DLG2: variants seen among roughly 807,000 people sequenced by gnomAD.
DLG2 encodes discs large MAGUK scaffold protein 2.
Under a neutral mutation model 132.5 loss-of-function variants are expected in DLG2, and 45 were observed. The observed-to-expected ratio is 0.34, with a 90% CI of 0.27 to 0.44. The LOEUF is 0.44. Among genes scored for constraint, DLG2 ranks in the 20% least tolerant of loss-of-function variants. The pLI, the probability that DLG2 is intolerant of heterozygous loss-of-function variation, is 1.00. For missense variants in DLG2, 1,045 were observed against 1,196.9 expected (o/e 0.87, Z 1.87); for synonymous variants, 424 against 419.6 (o/e 1.01, Z -0.13).
intron 3 of DLG2, among the ~76,000 whole-genome samples, chr11:85,355,441 T>A (rs2083618429): frequency 6.6e-6 from 1 of 152,156 alleles, no homozygotes; most frequent in Non-Finnish European, 1.5e-5. Context: ...GTGAATTTAA[T>A]ATATTAAAGA....
At chr11:84,131,426 A>G (rs2094417941) in intron 9 of DLG2, among the ~76,000 whole-genome samples, 1 of 152,032 alleles carries the variant, frequency 6.6e-6, no homozygotes, top group Admixed American at 6.6e-5. Flanking sequence ...ATGTATACAC[A>G]CACATACATA....
At chr11:84,165,989 T>C (rs911270530) in intron 8 of DLG2, among the ~76,000 whole-genome samples, 6 of 152,192 alleles carry the variant, frequency 3.9e-5, no homozygotes, top group African/African-American at 1.4e-4. Context: ...TGAAGGATTT[T>C]TAGCATAGGT....
At chr11:83,616,882 T>C (rs1356771058) in intron 19 of DLG2, among the ~76,000 whole-genome samples, 2 of 152,196 alleles carry the variant, frequency 1.3e-5, no homozygotes, top group Non-Finnish European at 2.9e-5. Flanking sequence ...ATTGATGCAG[T>C]GTCATTTACT....
intron 4 of DLG2, among the ~76,000 whole-genome samples, chr11:85,284,165 G>T (rs2078413533): frequency 6.6e-6 from 1 of 151,764 alleles, no homozygotes; most frequent in Non-Finnish European, 1.5e-5. Flanking sequence ...GACTAAAAAA[G>T]TCAAAATAAT....
intron 6 of DLG2, chr11:84,936,628 C>T (rs1030658996): frequency 6.6e-6 from 1 of 151,940 alleles, no homozygotes; most frequent in Non-Finnish European, 1.5e-5. Context: ...TATCAAAATA[C>T]TGGCAGTAGT....
intron 19 of DLG2, among the ~76,000 whole-genome samples, chr11:83,543,620 A>ATACC (rs1281210177): frequency 6.6e-6 from 1 of 152,184 alleles, no homozygotes; most frequent in Non-Finnish European, 1.5e-5. Context: ...GATGATAGCA[A>ATACC]TACCTCCATT....
intron 6 of DLG2, among the ~76,000 whole-genome samples, chr11:84,718,174 T>C (rs1351344711): frequency 6.6e-6 from 1 of 152,098 alleles, no homozygotes; most frequent in African/African-American, 2.4e-5. Context: ...ATTGATCCCA[T>C]TATAAAGGGA....
intron 19 of DLG2, among the ~76,000 whole-genome samples, chr11:83,600,862 AG>A (rs2058426038): frequency 6.6e-6 from 1 of 152,096 alleles, no homozygotes; most frequent in African/African-American, 2.4e-5. Flanking sequence ...GGTGTGATAG[AG>A]GCTGTTGAGA....
chr11:84,002,482 G>T (rs1277500704), intron 11 of DLG2, among the ~76,000 whole-genome samples: 1 of 152,152 alleles, frequency 6.6e-6, no homozygotes, highest in Non-Finnish European at 1.5e-5. Flanking sequence ...TACATCCTCT[G>T]AAATCGAGGT....
intron 18 of DLG2, among the ~76,000 whole-genome samples, chr11:83,691,446 C>T (rs1186336544): frequency 2.0e-5 from 3 of 152,122 alleles, no homozygotes; most frequent in Non-Finnish European, 2.9e-5. Context: ...TCTCCCTCTT[C>T]GAGTCTCTCA....
intron 8 of DLG2, among the ~76,000 whole-genome samples, chr11:84,214,864 C>T (rs1261768464): frequency 1.3e-5 from 2 of 152,074 alleles, no homozygotes; most frequent in Non-Finnish European, 2.9e-5. Flanking sequence ...AATCATATAT[C>T]AGAAATGTGA....
At chr11:84,184,220 C>T (rs908045249) in intron 8 of DLG2, among the ~76,000 whole-genome samples, 9 of 152,304 alleles carry the variant, frequency 5.9e-5, no homozygotes, top group Admixed American at 4.6e-4. Flanking sequence ...TATTTCTCCA[C>T]GTCCTCTCCA....
intron 6 of DLG2, among the ~76,000 whole-genome samples, chr11:84,657,109 C>T (rs969005851): frequency 6.6e-6 from 1 of 152,104 alleles, no homozygotes; most frequent in East Asian, 1.9e-4. Flanking sequence ...AAGCCTAAAG[C>T]AGATATTAAA....
intron 8 of DLG2, among the ~76,000 whole-genome samples, chr11:84,213,510 G>T (rs182142344): frequency 1.3e-5 from 2 of 152,112 alleles, no homozygotes; most frequent in Admixed American, 6.5e-5. Flanking sequence ...CCAGACTTAA[G>T]ACCTACTAAA....
At chr11:84,842,672 G>T (rs185585605) in intron 6 of DLG2, among the ~76,000 whole-genome samples, 2 of 151,864 alleles carry the variant, frequency 1.3e-5, no homozygotes, top group East Asian at 1.9e-4. Context: ...AAGGTTGTGC[G>T]TAGTAGTAGG....
intron 6 of DLG2, among the ~76,000 whole-genome samples, chr11:85,040,658 G>T (rs1336817753): frequency 6.6e-6 from 1 of 151,946 alleles, no homozygotes; most frequent in Non-Finnish European, 1.5e-5. Flanking sequence ...TCTTGTAACT[G>T]ATAAATGTTT....
chr11:84,444,001 T>C (rs73523767), intron 7 of DLG2, among the ~76,000 whole-genome samples: 1,793 of 147,434 alleles, frequency 0.012, 43 homozygotes, highest in African/African-American at 0.046. Flanking sequence ...CATCAATAAG[T>C]CTCCAAAGTT....
chr11:83,906,081 C>CTA (rs773692866), intron 15 of DLG2, among the ~76,000 whole-genome samples: 2,279 of 96,382 alleles, frequency 0.024, 41 homozygotes, highest in Admixed American at 0.061. Context: ...CTCTCTCTCT[C>CTA]TATATATATA....
intron 16 of DLG2, among the ~76,000 whole-genome samples, chr11:83,859,756 A>G (rs891261158): frequency 1.7e-4 from 26 of 152,200 alleles, no homozygotes; most frequent in African/African-American, 5.1e-4. Flanking sequence ...TCTCCAGGGC[A>G]TCTCAGAGAC....
Sources: gnomAD v4.1 joint callset for allele counts (sites outside exome capture counted in the v4.1 genomes callset) on GRCh38, gnomAD v4.1.1 for gene constraint, MANE v1.5 for transcripts, NCBI Gene and HGNC (gene_info 2026-07-23, HGNC 2026-07-21) for gene names.